Variants in SMOC1 observed in about 807,000 individuals in gnomAD.
SMOC1 encodes the protein SPARC related modular calcium binding 1.
In SMOC1, 22 loss-of-function variants were observed where a neutral mutation model predicts 56.3. The ratio of observed to expected loss-of-function variants is 0.39; its 90% CI spans 0.28 to 0.56. SMOC1 has a LOEUF of 0.56. Among genes scored for constraint, SMOC1 ranks in the 20% least tolerant of loss-of-function variants. The pLI is 0.61. For synonymous variants in SMOC1, 193 were observed against 215.0 expected (o/e 0.90, Z 0.89); for missense variants, 509 against 565.4 (o/e 0.90, Z 1.01).
chr14:69,990,345 T>C (rs1049489302), intron 5 of SMOC1, among the ~76,000 whole-genome samples: 2 of 152,228 alleles, frequency 1.3e-5, no homozygotes, highest in Admixed American at 1.3e-4. Context: ...CATACCTACA[T>C]TGAATATTAA....
intron 1 of SMOC1, among the ~76,000 whole-genome samples, chr14:69,912,871 T>G (rs1884589636): frequency 6.6e-6 from 1 of 152,228 alleles, no homozygotes; most frequent in Non-Finnish European, 1.5e-5. Flanking sequence ...TACTTTCTGC[T>G]TAGGAGAAAT....
At chr14:69,951,854 T>C (rs537268718) in intron 1 of SMOC1, among the ~76,000 whole-genome samples, 2 of 152,342 alleles carry the variant, frequency 1.3e-5, no homozygotes, top group East Asian at 3.9e-4. Context: ...ATAGAGTTTC[T>C]ATTTCATAGG....
At chr14:69,943,620 C>T (rs566362721) in intron 1 of SMOC1, among the ~76,000 whole-genome samples, 4 of 152,200 alleles carry the variant, frequency 2.6e-5, no homozygotes, top group Non-Finnish European at 4.4e-5. Flanking sequence ...CGCAGCTAGA[C>T]GTCTGGAATG....
intron 1 of SMOC1, chr14:69,886,229 G>A (rs1270015951): frequency 5.9e-6 from 4 of 681,548 alleles, no homozygotes; most frequent in Non-Finnish European, 7.6e-6. Flanking sequence ...CCTGCAGTGA[G>A]CATCTTAATA....
intron 1 of SMOC1, among the ~76,000 whole-genome samples, chr14:69,905,219 G>T (rs769637355): frequency 2.7e-4 from 41 of 152,266 alleles, no homozygotes; most frequent in Middle Eastern, 3.4e-3. Flanking sequence ...AGTCAAAGCA[G>T]TCCCGCCTGA....
intron 1 of SMOC1, among the ~76,000 whole-genome samples, chr14:69,912,990 C>A (rs1318046894): frequency 6.6e-6 from 1 of 152,198 alleles, no homozygotes; most frequent in East Asian, 1.9e-4. Context: ...AAACTGGAAG[C>A]TTCAAATTAG....
chr14:69,975,059 T>G (rs1883899494), intron 3 of SMOC1, among the ~76,000 whole-genome samples: 1 of 152,114 alleles, frequency 6.6e-6, no homozygotes, highest in Admixed American at 6.5e-5. Flanking sequence ...GATTAGAATT[T>G]TTGACTGGGT....
Position 70,030,280 on chromosome 14 carries a change from G to A in SMOC1, c.*22G>A, listed in dbSNP as rs770017964. 6.2e-7 allele frequency: 1 copy of A among 1,613,138 alleles called. No individual in the cohort carries two copies. The highest frequency in any genetic ancestry group is 2.2e-5 in the East Asian group (1 of 44,824). On this transcript the variant is annotated 3_prime_UTR_variant, in exon 12 of 12. Coordinates refer to ENST00000361956, the MANE Select transcript of SMOC1 (RefSeq NM_001034852.3). ...CTAAGGAGCAGAAAACCCAAGGGCA[G>A]GTGGAGAGTCCAGGGAGGCAGGATG...
intron 1 of SMOC1, among the ~76,000 whole-genome samples, chr14:69,926,140 C>G (rs973794352): frequency 6.6e-6 from 1 of 151,964 alleles, no homozygotes; most frequent in Non-Finnish European, 1.5e-5. Context: ...GGAACAGACA[C>G]AAATTATGTC....
intron 1 of SMOC1, among the ~76,000 whole-genome samples, chr14:69,944,232 T>C (rs1161611082): frequency 6.6e-6 from 1 of 152,162 alleles, no homozygotes; most frequent in Admixed American, 6.5e-5. Context: ...CAGGCCACAG[T>C]GGACCATAGT....
chr14:69,989,499 T>C (rs1317205676), intron 5 of SMOC1, among the ~76,000 whole-genome samples: 1 of 152,238 alleles, frequency 6.6e-6, no homozygotes, highest in Admixed American at 6.5e-5. Flanking sequence ...TTTGCACTCA[T>C]GGAATTATAG....
At chr14:69,963,092 G>A (rs1325004421) in intron 3 of SMOC1, among the ~76,000 whole-genome samples, 1 of 152,108 alleles carries the variant, frequency 6.6e-6, no homozygotes, top group Non-Finnish European at 1.5e-5. Context: ...CTATGCCAGT[G>A]CCACACTCTA....
In SMOC1 at chr14:69,932,789, G is replaced by A. The variant is rs751731848; in HGVS notation, c.100-19349G>A. ...TTACAGGAGCTGTGATGGAGTGGGC[G>A]GGGGGTGCAGAGCAAAGGCAGCTCT... On this transcript the variant is annotated intron_variant, in intron 1 of 11. Transcript: ENST00000361956. 7.3e-4 allele frequency among the ~76,000 whole-genome samples: 111 copies of A among 152,078 alleles called. 1 individual carries two copies. Among genetic ancestry groups the A allele is most frequent in the Admixed American group, 3.9e-4 (6 of 15,284 alleles).
intron 4 of SMOC1, among the ~76,000 whole-genome samples, 188 bp downstream of exon 4, chr14:69,976,002 CAT>C (rs1014539332): frequency 6.6e-5 from 10 of 152,256 alleles, no homozygotes; most frequent in South Asian, 2.1e-4. Flanking sequence ...CAGTGTATGC[CAT>C]GTGTGTGTAT....
intron 3 of SMOC1, among the ~76,000 whole-genome samples, chr14:69,955,136 C>G (rs1883139164): frequency 6.6e-6 from 1 of 152,240 alleles, no homozygotes; most frequent in Non-Finnish European, 1.5e-5. Flanking sequence ...ATAGATGATG[C>G]AACAGGTGTG....
At chr14:69,912,365 C>T (rs1187060291) in intron 1 of SMOC1, among the ~76,000 whole-genome samples, 5 of 152,210 alleles carry the variant, frequency 3.3e-5, no homozygotes, top group Non-Finnish European at 5.9e-5. Context: ...CCTCCTGTCT[C>T]AGCCTCCTGG....
intron 3 of SMOC1, 119 bp from the exon 4 acceptor site, chr14:69,975,596 G>A: frequency 1.3e-6 from 1 of 772,764 alleles, no homozygotes; most frequent in South Asian, 1.4e-5. Context: ...CAGATGTGGG[G>A]ATGAGAGGTG....
At position 69,992,521 on chromosome 14, in the gene SMOC1, G is replaced by C. The variant is rs762014504; in HGVS notation, c.583+48G>C. 3.5e-6 allele frequency: 5 copies of C among 1,437,014 alleles called. No individual in the cohort carries two copies. In the South Asian group the frequency reaches 5.7e-5, roughly 16 times the overall value. The allele number at this position is 1,437,014 out of a possible 1,614,324, so 89.0% of individuals were successfully genotyped here. A position where few individuals can be genotyped will look rare whatever the true frequency, so the allele number is the denominator to read the frequency against. ...ATGTTCATTCTCCCACTCATTTTCA[G>C]GTTTGGGAAAAGTCTTAACGTTGGA... On this transcript the variant is annotated intron_variant, in intron 6 of 11. Transcript: ENST00000361956.
At position 69,953,599 on chromosome 14, in the gene SMOC1, C is replaced by A. The variant is rs915991974; in HGVS notation, c.378+67C>A. On this transcript the variant is annotated intron_variant, in intron 3 of 11. Transcript: ENST00000361956. Reference sequence around the variant, plus strand: ...AGGCAGAGGGGAGGTGTCCCGAGAGCGCGAGGGCTGCTTGGCGCCTTCACT... The same window carrying A: ...AGGCAGAGGGGAGGTGTCCCGAGAGAGCGAGGGCTGCTTGGCGCCTTCACT... The A allele has an allele frequency of 5.9e-6, 8 of 1,352,054 alleles. No individual in the cohort carries two copies. In the Admixed American group the frequency reaches 1.0e-4, roughly 17 times the overall value. The allele number at this position is 1,352,054 out of a possible 1,614,324, so 83.8% of individuals were successfully genotyped here.
Sources: gnomAD v4.1 joint callset for allele counts (sites outside exome capture counted in the v4.1 genomes callset) on GRCh38, gnomAD v4.1.1 for gene constraint, MANE v1.5 for transcripts, NCBI Gene and HGNC (gene_info 2026-07-23, HGNC 2026-07-21) for gene names.